MAF: variants seen among roughly 807,000 people sequenced by gnomAD.
MAF encodes transcription factor Maf.
MAF carries 10 observed loss-of-function variants against 22.0 expected under a neutral mutation model. That is an observed-to-expected ratio of 0.45 (90% CI 0.28 to 0.77). The LOEUF (loss-of-function observed/expected upper bound fraction) is 0.77. Ranked by LOEUF, MAF falls within the 30% of genes least tolerant of loss-of-function variation. The pLI, the probability that MAF is intolerant of heterozygous loss-of-function variation, is 0.12. For synonymous variants in MAF, 337 were observed against 255.8 expected, an observed-to-expected ratio of 1.32 and a Z score of -3.03; for missense variants, 544 against 548.4, an observed-to-expected ratio of 0.99 and a Z score of 0.08.
chr16:79,296,953 A>G, the MAF span, among the ~76,000 whole-genome samples: 1 of 152,132 alleles, frequency 6.6e-6, no homozygotes, highest in East Asian at 1.9e-4. Flanking sequence ...GAAAAAGCAA[A>G]TCCCCCTATG....
At chr16:79,261,869 G>C in the MAF span, among the ~76,000 whole-genome samples, 1 of 152,230 alleles carries the variant, frequency 6.6e-6, no homozygotes, top group Non-Finnish European at 1.5e-5. Flanking sequence ...GTGGAAGGGA[G>C]GGGCCAGAAT....
At chr16:79,513,467 C>T in the MAF span, among the ~76,000 whole-genome samples, 152,345 of 152,354 alleles carry the variant, frequency 1, 76,168 homozygotes, top group Non-Finnish European at 1. Flanking sequence ...TCCTGGAGCA[C>T]AGCAGACGGT....
the MAF span, among the ~76,000 whole-genome samples, chr16:79,430,698 G>C: frequency 6.6e-6 from 1 of 152,194 alleles, no homozygotes; most frequent in Non-Finnish European, 1.5e-5. Context: ...TGCCCGGCTA[G>C]GCCTGCAGCT....
the MAF span, among the ~76,000 whole-genome samples, chr16:79,293,082 A>G: frequency 1.3e-5 from 2 of 152,208 alleles, no homozygotes; most frequent in African/African-American, 4.8e-5. Context: ...TTGCCTATGG[A>G]GTAGCCATTC....
chr16:79,240,636 C>T, the MAF span, among the ~76,000 whole-genome samples: 1 of 151,614 alleles, frequency 6.6e-6, no homozygotes, highest in Non-Finnish European at 1.5e-5. Context: ...ACTTAAACGA[C>T]CTGGCCTGAT....
chr16:79,436,600 G>C, the MAF span, among the ~76,000 whole-genome samples: 1 of 152,284 alleles, frequency 6.6e-6, no homozygotes, highest in South Asian at 2.1e-4. Context: ...CACCAGACTT[G>C]ACTGTAACTC....
chr16:79,289,104 A>G, the MAF span, among the ~76,000 whole-genome samples: 15 of 152,248 alleles, frequency 9.9e-5, no homozygotes, highest in Non-Finnish European at 1.9e-4. Flanking sequence ...TTAGTGAAGT[A>G]TGAGGCCATG....
the MAF span, among the ~76,000 whole-genome samples, chr16:79,329,624 G>T: frequency 6.6e-6 from 1 of 152,194 alleles, no homozygotes; most frequent in Non-Finnish European, 1.5e-5. Flanking sequence ...ATCAGTCACG[G>T]TGTCTTCCCC....
the MAF span, among the ~76,000 whole-genome samples, chr16:79,556,188 T>C: frequency 1.3e-5 from 2 of 152,226 alleles, no homozygotes; most frequent in Non-Finnish European, 2.9e-5. Flanking sequence ...GATGTCAGCA[T>C]ACCACTGTCT....
At chr16:79,508,000 G>C in the MAF span, among the ~76,000 whole-genome samples, 1 of 152,238 alleles carries the variant, frequency 6.6e-6, no homozygotes, top group Non-Finnish European at 1.5e-5. Context: ...TGCAGTGTGA[G>C]AGGATGGTGG....
the MAF span, among the ~76,000 whole-genome samples, chr16:79,301,064 C>G: frequency 4.6e-5 from 7 of 152,016 alleles, no homozygotes; most frequent in African/African-American, 1.7e-4. Context: ...ACACACAAAA[C>G]CGAAAACCAA....
the MAF span, among the ~76,000 whole-genome samples, chr16:79,262,934 G>C: frequency 3.3e-5 from 5 of 152,176 alleles, no homozygotes; most frequent in African/African-American, 7.2e-5. Flanking sequence ...GTTTGCAGCA[G>C]AGTAATGAGT....
chr16:79,379,744 C>T, the MAF span, among the ~76,000 whole-genome samples: 2 of 152,152 alleles, frequency 1.3e-5, no homozygotes, highest in Admixed American at 6.5e-5. Context: ...CAAGGAAGGG[C>T]AGCCTTGTTG....
chr16:79,246,452 C>T, the MAF span, among the ~76,000 whole-genome samples: 2 of 148,104 alleles, frequency 1.4e-5, no homozygotes, highest in Admixed American at 6.9e-5. Context: ...ACAAGGACCC[C>T]CTCACATAGA....
chr16:79,372,688 T>C, the MAF span, among the ~76,000 whole-genome samples: 11 of 152,260 alleles, frequency 7.2e-5, no homozygotes. Context: ...TTGAGAAATT[T>C]CATGTTTGAC....
the MAF span, among the ~76,000 whole-genome samples, chr16:79,279,145 A>G: frequency 6.6e-6 from 1 of 152,180 alleles, no homozygotes; most frequent in Non-Finnish European, 1.5e-5. Flanking sequence ...TTCAGGAATC[A>G]GATGACTTCT....
At chr16:79,570,373 T>C in the MAF span, among the ~76,000 whole-genome samples, 35,634 of 151,954 alleles carry the variant, frequency 0.23, 4,744 homozygotes, top group African/African-American at 0.36. Context: ...CATTTCCTTA[T>C]TAACCCAGCC....
the MAF span, among the ~76,000 whole-genome samples, chr16:79,460,070 T>C: frequency 6.6e-6 from 1 of 152,182 alleles, no homozygotes; most frequent in Admixed American, 6.6e-5. Flanking sequence ...TTTTTATCTT[T>C]TTATTATTGC....
the MAF span, among the ~76,000 whole-genome samples, chr16:79,318,002 T>G: frequency 6.6e-6 from 1 of 152,214 alleles, no homozygotes; most frequent in Non-Finnish European, 1.5e-5. Context: ...AACATAACAG[T>G]GTCATGCCTT....
Sources: allele counts gnomAD v4.1 joint callset (sites outside exome capture counted in the v4.1 genomes callset), GRCh38; gene constraint gnomAD v4.1.1; transcripts MANE v1.5; gene names NCBI Gene and HGNC (gene_info 2026-07-23, HGNC 2026-07-21).